The following NMB variants were observed in gnomAD, a reference collection of about 807,000 sequenced individuals.
NMB encodes neuromedin B.
NMB carries 12 observed loss-of-function variants against 11.7 expected under a neutral mutation model. That is an observed-to-expected ratio of 1.03 (90% CI 0.66 to 1.66). The LOEUF is 1.66. NMB is among the 40% of genes most tolerant of loss of function. The pLI is 0.00. For synonymous variants in NMB, 76 were observed against 72.6 expected, an observed-to-expected ratio of 1.05 and a Z score of -0.24; for missense variants, 174 against 157.9, an observed-to-expected ratio of 1.10 and a Z score of -0.55.
At chr15:84,655,436 A>C (rs959767743) in intron 2 of NMB, 27 bp from the exon 3 acceptor site, 33 of 1,612,796 alleles carry the variant, frequency 2.0e-5, no homozygotes, top group Non-Finnish European at 2.7e-5. Flanking sequence ...AGAAGAATTG[A>C]GCCAGGGAGG....
intron 2 of NMB, among the ~76,000 whole-genome samples, chr15:84,655,869 C>T (rs1896773015): frequency 6.6e-6 from 1 of 152,152 alleles, no homozygotes; most frequent in Non-Finnish European, 1.5e-5. Context: ...ATCTGAGGTC[C>T]TCAGGGGCTG....
rs1896794177 is a variant in NMB at position 84,657,225 on chromosome 15, A to G, written c.281T>C (p.Leu94Pro). ...GAGGCTCACGCCCAGAGCCTTCTTT[A>G]GCAGGAGGATTCCGAGCAGATCATG... ...LSHDLLGILL[L>P]KKALGVSLSR... The change falls in exon 2 of 3, where the codon CTA becomes CCA. Residue 94 changes from leucine to proline, a missense_variant. Around this residue, in one of 2 missense-constraint regions of NMB, gnomAD observed 168 missense variants for 138.4 expected, o/e 1.21. Transcript: ENST00000360476. 1.2e-6 allele frequency: 2 copies of G among 1,612,290 alleles called. No individual in the cohort carries two copies. Among genetic ancestry groups the G allele is most frequent in the Non-Finnish European group, 1.7e-6 (2 of 1,179,342 alleles).
In NMB at chr15:84,657,995, C is replaced by T; in HGVS notation, c.157+1G>A. On this transcript the variant is annotated splice_donor_variant, in intron 1 of 2. Transcript: ENST00000360476. LOFTEE classifies it high-confidence loss of function. ...TGCTTGCTCCGTCCCCAAAGACTTA[C>T]CGGTGGCCCAGAGGTTGCCTCGCGA... 2 of 1,591,500 alleles carry T rather than the reference C, an allele frequency of 1.3e-6. No individual in the cohort carries two copies. The highest frequency in any genetic ancestry group is 8.5e-7 in the Non-Finnish European group (1 of 1,170,320).
Position 84,655,322 on chromosome 15 carries a change from C to G in NMB, c.*52G>C, listed in dbSNP as rs754305382. The G allele has an allele frequency of 3.1e-6, 5 of 1,614,082 alleles. No homozygotes were observed. Among genetic ancestry groups the G allele is most frequent in the Admixed American group, 1.7e-5 (1 of 60,018 alleles). ...CAACAGGGTCCCATTCAGCACCTTC[C>G]CTGGGTGGGCACAATCTAAGCCACG... On this transcript the variant is annotated 3_prime_UTR_variant, in exon 3 of 3. Transcript: ENST00000360476.
At position 84,657,169 on chromosome 15, in the gene NMB, G is replaced by A. The variant is rs747970822; in HGVS notation, c.330+7C>T. 5 of 1,606,878 alleles carry A rather than the reference G, an allele frequency of 3.1e-6. No homozygotes were observed. The highest frequency in any genetic ancestry group is 1.1e-5 in the South Asian group (1 of 89,852). Reference sequence around the variant, plus strand: ...CCTCCTGACATTGGAGCAGGGGCCCGGCTCACCTGGATTTGGGGTGCGGGG... The same window carrying A: ...CCTCCTGACATTGGAGCAGGGGCCCAGCTCACCTGGATTTGGGGTGCGGGG... On this transcript the variant is annotated splice_region_variant and intron_variant, in intron 2 of 2. Coordinates refer to ENST00000360476, the MANE Select transcript of NMB (RefSeq NM_021077.4).
intron 2 of NMB, among the ~76,000 whole-genome samples, chr15:84,656,363 G>A (rs1896782925): frequency 1.3e-5 from 2 of 151,874 alleles, no homozygotes; most frequent in African/African-American, 2.4e-5. Context: ...ACTCAGCGGG[G>A]CTATACCTTG....
rs746603702 is a variant in NMB, at chr15:84,655,422, A to G, written c.331-13T>C. On this transcript the variant is annotated splice_polypyrimidine_tract_variant and intron_variant, in intron 2 of 2. Transcript: ENST00000360476. ...GCAGCCTCCTGTACTGAAGAGAAAC[A>G]TACAGAAGAATTGAGCCAGGGAGGG... The G allele has an allele frequency of 1.2e-6, 2 of 1,613,548 alleles. No individual in the cohort carries two copies. The highest frequency in any genetic ancestry group is 1.7e-6 in the Non-Finnish European group (2 of 1,179,930).
intron 1 of NMB, among the ~76,000 whole-genome samples, chr15:84,657,639 G>A (rs1896801956): frequency 6.6e-6 from 1 of 152,150 alleles, no homozygotes; most frequent in Non-Finnish European, 1.5e-5. Flanking sequence ...TTGGACAAGG[G>A]ACGAAAAAGG....
At chr15:84,655,502 A>C in intron 2 of NMB, 93 bp from the exon 3 acceptor site, 1 of 1,534,372 alleles carries the variant, frequency 6.5e-7, no homozygotes, top group Non-Finnish European at 9.0e-7. Flanking sequence ...ATGTCTGCAG[A>C]GGTGGGCACC....
chr15:84,656,305 T>C (rs1157879739), intron 2 of NMB, among the ~76,000 whole-genome samples: 1 of 151,448 alleles, frequency 6.6e-6, no homozygotes, highest in Admixed American at 6.6e-5. Context: ...CCAGGGAGGG[T>C]GGTGTGCAGT....
At chr15:84,656,236 G>A (rs1430791465) in intron 2 of NMB, among the ~76,000 whole-genome samples, 2 of 152,076 alleles carry the variant, frequency 1.3e-5, no homozygotes, top group Non-Finnish European at 2.9e-5. Flanking sequence ...AGCCCAGCAC[G>A]TTGTAGTCAA....
In NMB at chr15:84,657,161, A is replaced by G. The variant is rs1174640157; in HGVS notation, c.330+15T>C. The stretch of plus-strand genomic sequence containing the variant: ...AGCTGGGCCCTCCTGACATTGGAGC[A>G]GGGGCCCGGCTCACCTGGATTTGGG... On this transcript the variant is annotated intron_variant, in intron 2 of 2. Coordinates refer to ENST00000360476, the MANE Select transcript of NMB (RefSeq NM_021077.4). 6.2e-7 allele frequency: 1 copy of G among 1,603,222 alleles called. No individual in the cohort carries two copies. The highest frequency in any genetic ancestry group is 1.1e-5 in the South Asian group (1 of 89,326).
intron 2 of NMB, 71 bp from the exon 3 acceptor site, chr15:84,655,480 C>T: frequency 6.3e-7 from 1 of 1,596,400 alleles, no homozygotes; most frequent in Non-Finnish European, 8.6e-7. Flanking sequence ...TCCTGCCATT[C>T]CTAAGTGCCA....
intron 2 of NMB, 78 bp downstream of exon 2, chr15:84,657,098 G>A (rs1350629783): frequency 3.0e-6 from 4 of 1,349,820 alleles, no homozygotes; most frequent in Non-Finnish European, 4.1e-6. Flanking sequence ...ACAGTACTGG[G>A]TGGTAATTCC....
rs553828331 is a variant in NMB at position 84,657,110 on chromosome 15, C to T, written c.330+66G>A. ...AATACAGTACTGGGTGGTAATTCCT[C>T]CCATGCAGGATCCGGGGATGGCCCC... On this transcript the variant is annotated intron_variant, in intron 2 of 2. Transcript: ENST00000360476. 6.2e-4 allele frequency: 917 copies of T among 1,475,690 alleles called. 1 individual carries two copies. Among genetic ancestry groups the T allele is most frequent in the Admixed American group, 2.2e-3 (104 of 46,908 alleles). The allele number at this position is 1,475,690 out of a possible 1,614,324, so 91.4% of individuals were successfully genotyped here.
intron 1 of NMB, 85 bp from the exon 2 acceptor site, chr15:84,657,433 C>T (rs1402753481): frequency 3.9e-6 from 5 of 1,272,474 alleles, no homozygotes; most frequent in Non-Finnish European, 4.2e-6. Flanking sequence ...TCCCACGTTT[C>T]CGTTCTTGTA....
chr15:84,655,965 C>T (rs1188040197), intron 2 of NMB, among the ~76,000 whole-genome samples: 1 of 152,084 alleles, frequency 6.6e-6, no homozygotes, highest in Admixed American at 6.6e-5. Flanking sequence ...TCAAAATGCA[C>T]ACACTATATG....
intron 2 of NMB, among the ~76,000 whole-genome samples, chr15:84,656,050 G>C (rs765938834): frequency 6.6e-6 from 1 of 152,124 alleles, no homozygotes; most frequent in African/African-American, 2.4e-5. Flanking sequence ...ATAAGAGCTC[G>C]CATCTACTAA....
chr15:84,655,531 G>T, intron 2 of NMB, 122 bp from the exon 3 acceptor site: 1 of 1,291,240 alleles, frequency 7.7e-7, no homozygotes, highest in Non-Finnish European at 1.1e-6. Context: ...GTCAGCTGAG[G>T]CAGGCCCCAG....
Sources: gnomAD v4.1 joint callset for allele counts (sites outside exome capture counted in the v4.1 genomes callset) on GRCh38, gnomAD v4.1.1 for gene constraint, gnomAD v4.1.1 regional missense constraint, MANE v1.5 for transcripts, NCBI Gene and HGNC (gene_info 2026-07-23, HGNC 2026-07-21) for gene names.